The following CNTN5 variants were observed in gnomAD, a reference collection of about 807,000 sequenced individuals.
The protein encoded by CNTN5 is contactin-5.
In CNTN5, 77 loss-of-function variants were observed where a neutral mutation model predicts 129.1. The ratio of observed to expected loss-of-function variants is 0.60; its 90% CI spans 0.50 to 0.72. The LOEUF is 0.72. CNTN5 is among the 30% of genes least tolerant of loss of function. The probability of loss-of-function intolerance (pLI) is 0.00; values close to 1 mark genes in which losing one functional copy is unlikely to be tolerated. For missense variants in CNTN5, 1,478 were observed against 1,328.8 expected (o/e 1.11, Z -1.75); for synonymous variants, 509 against 465.6 (o/e 1.09, Z -1.20).
At chr11:99,927,900 ATC>A (rs1400153701) in intron 7 of CNTN5, among the ~76,000 whole-genome samples, 7 of 152,180 alleles carry the variant, frequency 4.6e-5, no homozygotes, top group African/African-American at 2.4e-5. Flanking sequence ...GTCAAGTCTT[ATC>A]TGAGACAAGG....
chr11:99,597,277 G>C (rs1950155447), intron 3 of CNTN5, among the ~76,000 whole-genome samples: 1 of 152,134 alleles, frequency 6.6e-6, no homozygotes, highest in African/African-American at 2.4e-5. Flanking sequence ...CCTCACCCCT[G>C]TAGCAAGTCG....
At chr11:99,914,495 A>T (rs552327186) in intron 6 of CNTN5, among the ~76,000 whole-genome samples, 1 of 152,268 alleles carries the variant, frequency 6.6e-6, no homozygotes, top group African/African-American at 2.4e-5. Flanking sequence ...AGAGACAAGC[A>T]TAATATTTGG....
chr11:99,119,810 C>T (rs923248014), intron 1 of CNTN5, among the ~76,000 whole-genome samples: 2 of 151,948 alleles, frequency 1.3e-5, no homozygotes, highest in Non-Finnish European at 2.9e-5. Context: ...TATTTTTTGA[C>T]TTTCAATAAT....
At chr11:99,800,659 G>A (rs191459713) in intron 3 of CNTN5, among the ~76,000 whole-genome samples, 2 of 152,162 alleles carry the variant, frequency 1.3e-5, no homozygotes, top group East Asian at 1.9e-4. Flanking sequence ...TTGTTAAATT[G>A]AACTTTTTAT....
At chr11:100,254,890 T>A (rs981702789) in intron 16 of CNTN5, among the ~76,000 whole-genome samples, 1 of 152,232 alleles carries the variant, frequency 6.6e-6, no homozygotes, top group Admixed American at 6.5e-5. Context: ...ATGGAAGAAC[T>A]GGCATTGCTT....
intron 3 of CNTN5, among the ~76,000 whole-genome samples, chr11:99,796,527 A>C (rs2135461233): frequency 6.6e-6 from 1 of 152,170 alleles, no homozygotes; most frequent in South Asian, 2.1e-4. Flanking sequence ...GGTCAGGTGC[A>C]GTCTGCCAGC....
At chr11:99,305,638 A>T (rs1864839743) in intron 1 of CNTN5, among the ~76,000 whole-genome samples, 1 of 152,202 alleles carries the variant, frequency 6.6e-6, no homozygotes. Flanking sequence ...TTGCCATTTT[A>T]GCATTTATAT....
At chr11:99,496,308 T>C (rs1180752147) in intron 2 of CNTN5, among the ~76,000 whole-genome samples, 1 of 152,176 alleles carries the variant, frequency 6.6e-6, no homozygotes, top group Non-Finnish European at 1.5e-5. Flanking sequence ...AGAGTCTCGT[T>C]CTGTCGCCAG....
chr11:99,705,059 A>C (rs767990911), intron 3 of CNTN5, among the ~76,000 whole-genome samples: 21 of 151,340 alleles, frequency 1.4e-4, no homozygotes, highest in African/African-American at 1.9e-4. Context: ...TCAACAACAA[A>C]AAATTAGCTG....
chr11:99,909,237 T>C (rs1378841309), intron 6 of CNTN5, among the ~76,000 whole-genome samples: 2 of 151,884 alleles, frequency 1.3e-5, no homozygotes, highest in Non-Finnish European at 2.9e-5. Flanking sequence ...AATTATAGCA[T>C]TATCAAATCA....
chr11:99,039,699 A>ATG (rs1304849068), intron 1 of CNTN5, among the ~76,000 whole-genome samples: 2 of 152,098 alleles, frequency 1.3e-5, no homozygotes, highest in African/African-American at 2.4e-5. Context: ...GAAAGAATGA[A>ATG]TGTGTGTGTG....
intron 13 of CNTN5, among the ~76,000 whole-genome samples, chr11:100,110,282 T>G (rs1158963235): frequency 6.7e-6 from 1 of 149,670 alleles, no homozygotes; most frequent in Non-Finnish European, 1.5e-5. Flanking sequence ...AATGCCAAAT[T>G]TTTAGCATTT....
At chr11:99,122,010 T>C (rs143137679) in intron 1 of CNTN5, among the ~76,000 whole-genome samples, 132 of 152,116 alleles carry the variant, frequency 8.7e-4, no homozygotes, top group African/African-American at 3.1e-3. Context: ...ATACTTTAAG[T>C]TCTAGGGTAT....
In CNTN5 at chr11:100,149,063, CAA is replaced by C. The variant is rs571549214; in HGVS notation, c.1581-42060_1581-42059del. Among the ~76,000 whole-genome samples, 5 of 152,148 alleles carry C rather than the reference CAA, an allele frequency of 3.3e-5. No homozygotes were observed. In the East Asian group the frequency reaches 7.7e-4, roughly 24 times the overall value. On this transcript the variant is annotated intron_variant, in intron 13 of 24. Coordinates refer to ENST00000524871, the MANE Select transcript of CNTN5 (RefSeq NM_014361.4). ...TGCTGATGAAACATCAGCGTTTTTT[CAA>C]AAGTTAATAGATTTTAGGAAGATTA...
intron 2 of CNTN5, among the ~76,000 whole-genome samples, chr11:99,330,835 C>G (rs1327470449): frequency 6.6e-6 from 1 of 151,810 alleles, no homozygotes; most frequent in Non-Finnish European, 1.5e-5. Flanking sequence ...CAGTTTAAAA[C>G]AAGTTGATAT....
intron 1 of CNTN5, among the ~76,000 whole-genome samples, chr11:99,220,299 C>T (rs1426819943): frequency 5.3e-5 from 8 of 151,942 alleles, no homozygotes; most frequent in African/African-American, 1.7e-4. Context: ...CTGTGCTTTG[C>T]CATTGTAATA....
intron 7 of CNTN5, among the ~76,000 whole-genome samples, chr11:99,949,890 T>A (rs1950633927): frequency 6.6e-6 from 1 of 152,218 alleles, no homozygotes; most frequent in African/African-American, 2.4e-5. Flanking sequence ...ATACATATTA[T>A]TTTATTTATC....
intron 8 of CNTN5, among the ~76,000 whole-genome samples, chr11:100,000,513 C>A (rs192628494): frequency 7.4e-4 from 112 of 152,334 alleles, no homozygotes; most frequent in Non-Finnish European, 1.1e-3. Context: ...ACCTCTGGCT[C>A]TTTCATGGGC....
At chr11:100,073,896 C>T (rs906322210) in intron 12 of CNTN5, among the ~76,000 whole-genome samples, 1 of 152,032 alleles carries the variant, frequency 6.6e-6, no homozygotes, top group African/African-American at 2.4e-5. Flanking sequence ...ATAATTAGAA[C>T]ATGTCATTTT....
Sources: gnomAD v4.1 joint callset for allele counts (sites outside exome capture counted in the v4.1 genomes callset) on GRCh38, gnomAD v4.1.1 for gene constraint, MANE v1.5 for transcripts, NCBI Gene and HGNC (gene_info 2026-07-23, HGNC 2026-07-21) for gene names.